KAZN: variants seen among roughly 807,000 people sequenced by gnomAD.
KAZN encodes kazrin, periplakin interacting protein, also known as kazrin.
A neutral mutation model predicts 87.4 loss-of-function variants in KAZN; 40 were observed. That is an observed-to-expected ratio of 0.46 (90% CI 0.36 to 0.60). The LOEUF is 0.60. Ranked by LOEUF, KAZN falls within the 20% of genes least tolerant of loss-of-function variation. The probability of loss-of-function intolerance (pLI) is 0.00; values close to 1 mark genes in which losing one functional copy is unlikely to be tolerated. For missense variants in KAZN, 898 were observed against 1,073.9 expected (o/e 0.84, Z 2.29); for synonymous variants, 466 against 458.3 (o/e 1.02, Z -0.22).
chr1:14,233,779 C>A (rs2100550208), intron 2 of KAZN, among the ~76,000 whole-genome samples: 1 of 152,184 alleles, frequency 6.6e-6, no homozygotes, highest in Non-Finnish European at 1.5e-5. Flanking sequence ...ACTGCCTCTG[C>A]CAAAAGAGGA....
intron 1 of KAZN, among the ~76,000 whole-genome samples, chr1:13,934,936 C>A (rs1040208321): frequency 1.3e-5 from 2 of 152,020 alleles, no homozygotes; most frequent in Non-Finnish European, 2.9e-5. Flanking sequence ...ATTGAATTAG[C>A]ATAATAATAA....
intron 2 of KAZN, among the ~76,000 whole-genome samples, chr1:14,442,764 AT>A (rs1666771731): frequency 6.6e-6 from 1 of 152,200 alleles, no homozygotes; most frequent in African/African-American, 2.4e-5. Context: ...TGTTGGCCTG[AT>A]TTCATAAGTG....
At chr1:14,592,372 C>A (rs1041404607) in intron 2 of KAZN, among the ~76,000 whole-genome samples, 1 of 152,186 alleles carries the variant, frequency 6.6e-6, no homozygotes, top group Non-Finnish European at 1.5e-5. Context: ...ATATTTCACA[C>A]GTGCTCAGTG....
intron 1 of KAZN, among the ~76,000 whole-genome samples, chr1:13,990,282 A>G (rs879698531): frequency 2.4e-4 from 36 of 152,204 alleles, no homozygotes; most frequent in Admixed American, 6.5e-5. Flanking sequence ...CCAGGAGTCC[A>G]TCAAGAAAAG....
At chr1:14,031,489 G>A (rs1641325935) in intron 1 of KAZN, among the ~76,000 whole-genome samples, 1 of 152,182 alleles carries the variant, frequency 6.6e-6, no homozygotes, top group Non-Finnish European at 1.5e-5. Flanking sequence ...AGAAATGCTT[G>A]GGGAAGTTGT....
intron 1 of KAZN, among the ~76,000 whole-genome samples, chr1:14,761,892 T>TC (rs1644749489): frequency 3.0e-5 from 1 of 33,046 alleles, no homozygotes; most frequent in Admixed American, 2.0e-4. Context: ...GGCAGAGTCT[T>TC]TTTTTTTTTT....
At chr1:14,257,708 C>A (rs570403457) in intron 2 of KAZN, among the ~76,000 whole-genome samples, 7 of 145,554 alleles carry the variant, frequency 4.8e-5, no homozygotes, top group African/African-American at 1.8e-4. Context: ...GTTTTCCCAG[C>A]ACCATATTCT....
At chr1:14,052,655 G>A (rs563838892) in intron 1 of KAZN, among the ~76,000 whole-genome samples, 1 of 152,270 alleles carries the variant, frequency 6.6e-6, no homozygotes, top group Admixed American at 6.5e-5. Flanking sequence ...TGTGTAGGGG[G>A]GCAGAGGCCC....
At chr1:14,965,030 T>A (rs58699662) in intron 2 of KAZN, among the ~76,000 whole-genome samples, 3,167 of 151,620 alleles carry the variant, frequency 0.021, 103 homozygotes, top group African/African-American at 0.069. Context: ...ATATATATAT[T>A]TTTTTCTTTT....
At chr1:14,548,447 C>T (rs1183015576) in intron 2 of KAZN, among the ~76,000 whole-genome samples, 1 of 152,156 alleles carries the variant, frequency 6.6e-6, no homozygotes, top group Non-Finnish European at 1.5e-5. Flanking sequence ...GATCCGCCCA[C>T]CTCTGCCTCC....
At chr1:14,268,648 A>G (rs1445093453) in intron 2 of KAZN, among the ~76,000 whole-genome samples, 1 of 152,120 alleles carries the variant, frequency 6.6e-6, no homozygotes, top group Middle Eastern at 3.2e-3. Context: ...TTCAACTTGA[A>G]GTTTAATAGG....
chr1:14,199,134 C>A (rs1215103762), intron 2 of KAZN, among the ~76,000 whole-genome samples: 1 of 152,150 alleles, frequency 6.6e-6, no homozygotes, highest in South Asian at 2.1e-4. Flanking sequence ...ACTGACATTG[C>A]AAGTCCCTGC....
At chr1:14,095,844 C>T (rs1392774195) in intron 1 of KAZN, among the ~76,000 whole-genome samples, 1 of 152,124 alleles carries the variant, frequency 6.6e-6, no homozygotes, top group African/African-American at 2.4e-5. Flanking sequence ...TGCTACTCTA[C>T]TGTCAAAGCA....
At chr1:14,174,656 T>G (rs868425629) in intron 1 of KAZN, among the ~76,000 whole-genome samples, 62 of 152,384 alleles carry the variant, frequency 4.1e-4, no homozygotes, top group African/African-American at 1.4e-3. Flanking sequence ...AGAGACCATC[T>G]TTGGCTCACT....
At chr1:14,148,417 C>T (rs1176515856) in intron 1 of KAZN, among the ~76,000 whole-genome samples, 1 of 152,082 alleles carries the variant, frequency 6.6e-6, no homozygotes, top group Admixed American at 6.5e-5. Flanking sequence ...AACAACTAGC[C>T]TCAATATTAC....
At chr1:14,493,982 T>A (rs531025812) in intron 2 of KAZN, among the ~76,000 whole-genome samples, 1 of 152,338 alleles carries the variant, frequency 6.6e-6, no homozygotes, top group South Asian at 2.1e-4. Flanking sequence ...TCTCCTAGGA[T>A]GTTCTATTCT....
intron 1 of KAZN, among the ~76,000 whole-genome samples, chr1:14,000,476 A>G (rs1639734494): frequency 6.6e-6 from 1 of 152,232 alleles, no homozygotes; most frequent in Non-Finnish European, 1.5e-5. Flanking sequence ...GGCAGGCAGA[A>G]AAGGCCTTTG....
intron 1 of KAZN, among the ~76,000 whole-genome samples, chr1:14,162,427 C>T (rs747878506): frequency 2.0e-5 from 3 of 152,190 alleles, no homozygotes; most frequent in South Asian, 2.1e-4. Flanking sequence ...ATGACATTAA[C>T]TTTCTTAGAA....
intron 2 of KAZN, among the ~76,000 whole-genome samples, chr1:14,580,893 C>G (rs967689220): frequency 3.3e-5 from 5 of 152,082 alleles, no homozygotes; most frequent in Admixed American, 1.3e-4. Flanking sequence ...TTTAACAGGG[C>G]CTCCTTCAAA....
Sources: gnomAD v4.1 joint callset for allele counts (sites outside exome capture counted in the v4.1 genomes callset) on GRCh38, gnomAD v4.1.1 for gene constraint, MANE v1.5 for transcripts, NCBI Gene and HGNC (gene_info 2026-07-23, HGNC 2026-07-21) for gene names.